The following NBAS variants were observed in gnomAD, a reference collection of about 807,000 sequenced individuals.
The protein encoded by NBAS is NAG/BC035112 fusion.
In NBAS, 219 loss-of-function variants were observed where a neutral mutation model predicts 302.5. The observed-to-expected ratio is 0.72, with a 90% CI of 0.65 to 0.81. NBAS has a LOEUF of 0.81. Ranked by LOEUF, NBAS falls within the 30% of genes least tolerant of loss-of-function variation. NBAS has a pLI of 0.00. For missense variants in NBAS, 2,932 were observed against 2,841.6 expected, an observed-to-expected ratio of 1.03 and a Z score of -0.72; for synonymous variants, 1,118 against 1,021.6, an observed-to-expected ratio of 1.09 and a Z score of -1.80.
chr2:15,235,221 C>T (rs150727775), intron 45 of NBAS, among the ~76,000 whole-genome samples: 10 of 152,060 alleles, frequency 6.6e-5, no homozygotes, highest in Non-Finnish European at 1.0e-4. Flanking sequence ...TGTAATAACC[C>T]GGCAAGTATT....
intron 21 of NBAS, among the ~76,000 whole-genome samples, chr2:15,459,326 A>T (rs1679396324): frequency 6.6e-6 from 1 of 152,224 alleles, no homozygotes; most frequent in Non-Finnish European, 1.5e-5. Flanking sequence ...AGTAGGAAAG[A>T]TCATTTCCAT....
At chr2:14,784,082 C>A in the NBAS span, among the ~76,000 whole-genome samples, 1 of 152,220 alleles carries the variant, frequency 6.6e-6, no homozygotes, top group African/African-American at 2.4e-5. Flanking sequence ...TGATGGTGAG[C>A]ATTTTTTCAT....
At chr2:15,119,914 C>A in the NBAS span, among the ~76,000 whole-genome samples, 1 of 152,176 alleles carries the variant, frequency 6.6e-6, no homozygotes, top group African/African-American at 2.4e-5. Context: ...GAAGCCCTCA[C>A]AAGGTCACCA....
chr2:15,233,605 T>G (rs1214942256), intron 46 of NBAS, among the ~76,000 whole-genome samples: 5 of 152,210 alleles, frequency 3.3e-5, no homozygotes, highest in African/African-American at 1.2e-4. Flanking sequence ...CTGGTTCATA[T>G]AATCAACATC....
chr2:15,375,904 T>C (rs1362971725), intron 30 of NBAS, among the ~76,000 whole-genome samples: 1 of 151,142 alleles, frequency 6.6e-6, no homozygotes. Context: ...ACCTTCAATA[T>C]AGAATATGAG....
intron 34 of NBAS, among the ~76,000 whole-genome samples, chr2:15,353,257 A>G (rs1029206899): frequency 6.6e-6 from 1 of 152,182 alleles, no homozygotes; most frequent in African/African-American, 2.4e-5. Context: ...ACCATTTAGC[A>G]TATGTTTAAT....
intron 23 of NBAS, 71 bp downstream of exon 23, chr2:15,424,244 G>C: frequency 3.9e-6 from 6 of 1,553,624 alleles, no homozygotes; most frequent in Non-Finnish European, 5.3e-6. Context: ...CCCCGACTCC[G>C]TGTACTGAAT....
At chr2:14,997,350 C>T in the NBAS span, among the ~76,000 whole-genome samples, 20 of 151,982 alleles carry the variant, frequency 1.3e-4, no homozygotes, top group African/African-American at 3.1e-4. Flanking sequence ...ATAAACTATA[C>T]GTGGCTTCCC....
At chr2:15,478,559 T>A (rs1680291034) in intron 12 of NBAS, among the ~76,000 whole-genome samples, 1 of 152,184 alleles carries the variant, frequency 6.6e-6, no homozygotes, top group Non-Finnish European at 1.5e-5. Context: ...TCAATACATA[T>A]GAAAGCAAAA....
At chr2:14,798,371 T>C in the NBAS span, among the ~76,000 whole-genome samples, 1 of 152,162 alleles carries the variant, frequency 6.6e-6, no homozygotes, top group East Asian at 1.9e-4. Flanking sequence ...AGTATGTTAA[T>C]ACAGTGAATT....
chr2:15,044,164 A>G, the NBAS span, among the ~76,000 whole-genome samples: 1 of 152,204 alleles, frequency 6.6e-6, no homozygotes, highest in African/African-American at 2.4e-5. Context: ...CAATTTAGAC[A>G]ATTCCCCAGT....
chr2:15,140,439 G>A, the NBAS span, among the ~76,000 whole-genome samples: 1 of 152,190 alleles, frequency 6.6e-6, no homozygotes, highest in African/African-American at 2.4e-5. Flanking sequence ...GATAACTGTG[G>A]TTCAAATCCT....
the NBAS span, among the ~76,000 whole-genome samples, chr2:15,002,577 G>A: frequency 6.6e-6 from 1 of 152,214 alleles, no homozygotes; most frequent in Admixed American, 6.5e-5. Context: ...GGGTGCTGTG[G>A]AGCAGGGGGT....
the NBAS span, among the ~76,000 whole-genome samples, chr2:15,116,985 C>T: frequency 5.9e-5 from 9 of 152,174 alleles, no homozygotes; most frequent in African/African-American, 1.9e-4. Context: ...TTCTCTCCTA[C>T]TTCCCTTTTC....
the NBAS span, among the ~76,000 whole-genome samples, chr2:14,895,087 T>G: frequency 1.3e-5 from 2 of 152,066 alleles, no homozygotes; most frequent in African/African-American, 4.8e-5. Context: ...AATAACCATA[T>G]TATTTGGGAA....
chr2:15,428,834 C>G (rs2148486855), intron 21 of NBAS, among the ~76,000 whole-genome samples: 1 of 151,944 alleles, frequency 6.6e-6, no homozygotes, highest in Non-Finnish European at 1.5e-5. Context: ...ACGAGGTCAG[C>G]AGATCGAGAC....
the NBAS span, among the ~76,000 whole-genome samples, chr2:14,956,541 A>T: frequency 6.6e-6 from 1 of 152,214 alleles, no homozygotes; most frequent in South Asian, 2.1e-4. Context: ...TGGGTAACTT[A>T]TAAAGAAAAG....
chr2:15,505,527 C>A (rs1048831565), intron 10 of NBAS, among the ~76,000 whole-genome samples: 1 of 152,100 alleles, frequency 6.6e-6, no homozygotes, highest in Non-Finnish European at 1.5e-5. Context: ...AGACAATAGA[C>A]AACCACAACA....
At chr2:15,467,874 T>C (rs1679792302) in intron 17 of NBAS, 70 bp from the exon 18 acceptor site, 1 of 1,272,922 alleles carries the variant, frequency 7.9e-7, no homozygotes, top group Non-Finnish European at 1.1e-6. Flanking sequence ...AGCTTTCTCC[T>C]ATTTTGACTG....
Sources: allele counts gnomAD v4.1 joint callset (sites outside exome capture counted in the v4.1 genomes callset), GRCh38; gene constraint gnomAD v4.1.1; transcripts MANE v1.5; gene names NCBI Gene and HGNC (gene_info 2026-07-23, HGNC 2026-07-21).